The following STK32B variants were observed in gnomAD, a reference collection of about 807,000 sequenced individuals.
The protein encoded by STK32B is serine/threonine-protein kinase 32B.
A neutral mutation model predicts 52.6 loss-of-function variants in STK32B; 43 were observed. The ratio of observed to expected loss-of-function variants is 0.82; its 90% CI spans 0.64 to 1.05. The LOEUF is 1.05. Among genes scored for constraint, STK32B ranks in the 50% least tolerant of loss-of-function variants. The pLI is 0.00. For synonymous variants in STK32B, 238 were observed against 204.3 expected, an observed-to-expected ratio of 1.17 and a Z score of -1.41; for missense variants, 621 against 534.6, an observed-to-expected ratio of 1.16 and a Z score of -1.59.
intron 11 of STK32B, among the ~76,000 whole-genome samples, chr4:5,495,119 G>T (rs976982617): frequency 1.1e-4 from 16 of 152,100 alleles, no homozygotes; most frequent in Non-Finnish European, 2.2e-4. Context: ...CTGAATGTTG[G>T]CCTGCCTTGC....
At chr4:5,287,094 C>T (rs988860239) in intron 3 of STK32B, among the ~76,000 whole-genome samples, 1 of 152,090 alleles carries the variant, frequency 6.6e-6, no homozygotes, top group African/African-American at 2.4e-5. Flanking sequence ...CCGCGCCCAG[C>T]CAGGTGTACA....
intron 4 of STK32B, among the ~76,000 whole-genome samples, chr4:5,360,646 G>A (rs1483885773): frequency 6.6e-6 from 1 of 151,992 alleles, no homozygotes; most frequent in Non-Finnish European, 1.5e-5. Context: ...AAGATGTGGG[G>A]TTTTTAAAAG....
chr4:5,376,019 G>T (rs1735563647), intron 4 of STK32B, among the ~76,000 whole-genome samples: 1 of 152,128 alleles, frequency 6.6e-6, no homozygotes, highest in Admixed American at 6.5e-5. Flanking sequence ...GAGTAGATTT[G>T]TGAGTCCAAC....
At chr4:5,157,795 A>G (rs1176320032) in intron 2 of STK32B, among the ~76,000 whole-genome samples, 1 of 152,156 alleles carries the variant, frequency 6.6e-6, no homozygotes, top group Non-Finnish European at 1.5e-5. Context: ...CCGAGTTGGA[A>G]TTCTGGCCCA....
At chr4:5,495,084 G>A (rs1321750214) in intron 11 of STK32B, among the ~76,000 whole-genome samples, 2 of 152,066 alleles carry the variant, frequency 1.3e-5, no homozygotes, top group African/African-American at 4.8e-5. Context: ...GAGTATCTTT[G>A]TGGCATTCTC....
intron 4 of STK32B, among the ~76,000 whole-genome samples, chr4:5,387,317 C>A (rs1736323436): frequency 6.6e-6 from 1 of 152,120 alleles, no homozygotes; most frequent in Admixed American, 6.5e-5. Context: ...GCCAGGGCTG[C>A]AAATCTAGGA....
rs951442587 is a variant in STK32B, at chr4:5,453,789, C to G, written c.667-3018C>G. Among the ~76,000 whole-genome samples, 1 of 152,028 alleles carries G rather than the reference C, an allele frequency of 6.6e-6. No homozygotes were observed. The highest frequency in any genetic ancestry group is 6.6e-5 in the Admixed American group (1 of 15,264). Reference sequence around the variant, plus strand: ...GCATGGTGACGCGTGCCTGTAATCCCAGCTACTTGGGAGACTGAGGCAGGA... The same window carrying G: ...GCATGGTGACGCGTGCCTGTAATCCGAGCTACTTGGGAGACTGAGGCAGGA... On this transcript the variant is annotated intron_variant, in intron 7 of 11. Transcript: ENST00000282908. This position sits in a 1 kb window ranked among gnomAD's most constrained non-coding sequence, Gnocchi z 4.0.
intron 3 of STK32B, among the ~76,000 whole-genome samples, chr4:5,235,030 T>G (rs1204096641): frequency 1.3e-5 from 2 of 152,216 alleles, no homozygotes; most frequent in Non-Finnish European, 2.9e-5. Context: ...TTGAGTTCAT[T>G]ATGATGTTAA....
intron 3 of STK32B, among the ~76,000 whole-genome samples, chr4:5,216,406 A>T (rs931873649): frequency 3.3e-5 from 5 of 152,240 alleles, no homozygotes; most frequent in Non-Finnish European, 7.3e-5. Flanking sequence ...CTTACTGGAC[A>T]TACAAGCAAA....
rs541161271 is a variant in STK32B, at chr4:5,170,471, C to A, written c.260+2021C>A. Among the ~76,000 whole-genome samples the A allele has an allele frequency of 4.6e-5, 7 of 152,104 alleles. No homozygotes were observed. In the East Asian group the frequency reaches 1.2e-3, roughly 25 times the overall value. Reference sequence around the variant, plus strand: ...CTATCGCTCCCCCGTCCCCCCACCCCACAACAGTCTCTGGAGTGTGATGTT... The same window carrying A: ...CTATCGCTCCCCCGTCCCCCCACCCAACAACAGTCTCTGGAGTGTGATGTT... On this transcript the variant is annotated intron_variant, in intron 3 of 11. Coordinates refer to ENST00000282908, the MANE Select transcript of STK32B (RefSeq NM_018401.3).
At chr4:5,178,437 A>G (rs1720094825) in intron 3 of STK32B, among the ~76,000 whole-genome samples, 1 of 152,166 alleles carries the variant, frequency 6.6e-6, no homozygotes, top group African/African-American at 2.4e-5. Context: ...GGCTGCTGTG[A>G]AGGTCTCTGA....
At chr4:5,100,548 T>C (rs111161277) in intron 1 of STK32B, among the ~76,000 whole-genome samples, 13 of 138,168 alleles carry the variant, frequency 9.4e-5, no homozygotes, top group South Asian at 5.1e-4. Context: ...CCTTTCCTCC[T>C]TTCCTCCTTC....
At chr4:5,087,772 C>T (rs570742853) in intron 1 of STK32B, among the ~76,000 whole-genome samples, 1 of 151,600 alleles carries the variant, frequency 6.6e-6, no homozygotes, top group East Asian at 1.9e-4. Flanking sequence ...TTATGGATCT[C>T]ATAATATAGC....
At chr4:5,366,086 C>T (rs1273915388) in intron 4 of STK32B, among the ~76,000 whole-genome samples, 1 of 151,906 alleles carries the variant, frequency 6.6e-6, no homozygotes, top group East Asian at 2.0e-4. Flanking sequence ...CTAGGCCAAC[C>T]TGTCAATGGA....
chr4:5,222,035 C>A (rs1470151752), intron 3 of STK32B, among the ~76,000 whole-genome samples: 1 of 152,146 alleles, frequency 6.6e-6, no homozygotes, highest in Non-Finnish European at 1.5e-5. Flanking sequence ...GAGGACCTAG[C>A]ATTCCACCCC....
intron 3 of STK32B, among the ~76,000 whole-genome samples, chr4:5,221,550 A>T (rs546374193): frequency 2.2e-4 from 33 of 152,304 alleles, no homozygotes; most frequent in South Asian, 1.2e-3. Context: ...CAGATGTGAA[A>T]TGGGGATATA....
At chr4:5,231,592 G>A (rs1486993334) in intron 3 of STK32B, among the ~76,000 whole-genome samples, 1 of 152,106 alleles carries the variant, frequency 6.6e-6, no homozygotes, top group Non-Finnish European at 1.5e-5. Flanking sequence ...AGCCTGGGCA[G>A]CAGAGTAAGC....
At chr4:5,231,753 G>A (rs1032247172) in intron 3 of STK32B, among the ~76,000 whole-genome samples, 1 of 152,206 alleles carries the variant, frequency 6.6e-6, no homozygotes, top group Non-Finnish European at 1.5e-5. Flanking sequence ...GGTCAGGGAG[G>A]AAGCAGAGGA....
intron 3 of STK32B, among the ~76,000 whole-genome samples, chr4:5,319,913 G>A (rs1731375622): frequency 6.6e-6 from 1 of 152,070 alleles, no homozygotes; most frequent in African/African-American, 2.4e-5. Flanking sequence ...CTCAGACCTT[G>A]CCCCACTTAG....
Sources: gnomAD v4.1 joint callset for allele counts (sites outside exome capture counted in the v4.1 genomes callset) on GRCh38, gnomAD v4.1.1 for gene constraint, Gnocchi (gnomAD v3.1) non-coding constraint, MANE v1.5 for transcripts, NCBI Gene and HGNC (gene_info 2026-07-23, HGNC 2026-07-21) for gene names.